Variants in PLPP7 observed in about 807,000 individuals in gnomAD.
PLPP7 encodes the protein inactive phospholipid phosphatase 7.
A neutral mutation model predicts 16.9 loss-of-function variants in PLPP7; 11 were observed. That is an observed-to-expected ratio of 0.65 (90% CI 0.41 to 1.08). The LOEUF (loss-of-function observed/expected upper bound fraction) is 1.08, where lower values mean the gene tolerates loss of function less well. Ranked by LOEUF, PLPP7 falls within the 50% of genes least tolerant of loss-of-function variation. The probability of loss-of-function intolerance (pLI) is 0.00; values close to 1 mark genes in which losing one functional copy is unlikely to be tolerated. For synonymous variants in PLPP7, 174 were observed against 175.1 expected (o/e 0.99, Z 0.05); for missense variants, 358 against 397.1 (o/e 0.90, Z 0.84).
intron 1 of PLPP7, among the ~76,000 whole-genome samples, chr9:131,296,231 T>C (rs12343881): frequency 6.6e-6 from 1 of 152,140 alleles, no homozygotes; most frequent in African/African-American, 2.4e-5. Context: ...GTTTTGGGTA[T>C]TTTTTGTTTG....
At chr9:131,292,053 C>G (rs1371337869) in intron 1 of PLPP7, among the ~76,000 whole-genome samples, 2 of 152,254 alleles carry the variant, frequency 1.3e-5, no homozygotes. Flanking sequence ...GAGATTTGCA[C>G]TGGCTCCAGC....
intron 1 of PLPP7, among the ~76,000 whole-genome samples, chr9:131,300,061 C>G (rs913237484): frequency 1.2e-4 from 19 of 152,240 alleles, no homozygotes; most frequent in African/African-American, 4.6e-4. Context: ...ATACCACACA[C>G]TGATTTATAA....
chr9:131,296,053 T>C (rs1835732033), intron 1 of PLPP7, among the ~76,000 whole-genome samples: 1 of 152,162 alleles, frequency 6.6e-6, no homozygotes, highest in Non-Finnish European at 1.5e-5. Flanking sequence ...GGTAATTTTG[T>C]GTTGACTTGT....
In PLPP7 at chr9:131,297,414, C is replaced by T. The variant is rs111900957; in HGVS notation, c.451+6966C>T. ...TTTTTTTTTTTTTTCTGAAGAGAGT[C>T]TTGCTCTGTCACCCAGGCTGGAGGG... On this transcript the variant is annotated intron_variant, in intron 1 of 1. Transcript: ENST00000372264. Among the ~76,000 whole-genome samples, 202 of 141,068 alleles carry T rather than the reference C, an allele frequency of 1.4e-3. 2 individuals carry two copies. The highest frequency in any genetic ancestry group is 5.1e-3 in the African/African-American group (194 of 38,250). The allele number at this position is 141,068 out of a possible 152,430, so 92.5% of individuals were successfully genotyped here. A position where few individuals can be genotyped will look rare whatever the true frequency, so the allele number is the denominator to read the frequency against.
intron 1 of PLPP7, among the ~76,000 whole-genome samples, chr9:131,304,511 T>A (rs764590914): frequency 3.3e-5 from 5 of 152,156 alleles, no homozygotes; most frequent in Non-Finnish European, 5.9e-5. Flanking sequence ...GTCAGGTACC[T>A]GTTGTCCTGG....
At chr9:131,307,796 G>C in intron 1 of PLPP7, 127 bp from the exon 2 acceptor site, 1 of 963,160 alleles carries the variant, frequency 1.0e-6, no homozygotes, top group Non-Finnish European at 1.5e-6. Context: ...CCCTGCCTGG[G>C]GGTCAGTGTG....
intron 1 of PLPP7, among the ~76,000 whole-genome samples, chr9:131,300,442 T>C (rs1380109307): frequency 1.3e-5 from 2 of 152,102 alleles, no homozygotes; most frequent in Non-Finnish European, 2.9e-5. Context: ...CTCAGCACTT[T>C]AGGAGGCTGA....
chr9:131,294,756 C>T (rs537156944), intron 1 of PLPP7, among the ~76,000 whole-genome samples: 176 of 151,750 alleles, frequency 1.2e-3, no homozygotes, highest in African/African-American at 3.9e-3. Flanking sequence ...CTGCAACCTC[C>T]GCCTCCCGGG....
At chr9:131,304,842 C>T (rs986911325) in intron 1 of PLPP7, among the ~76,000 whole-genome samples, 3 of 152,204 alleles carry the variant, frequency 2.0e-5, no homozygotes, top group Admixed American at 6.5e-5. Context: ...ACAGATGCCT[C>T]AGTGACTGCG....
chr9:131,295,299 G>T lies in PLPP7; in HGVS notation c.451+4851G>T, dbSNP rs931989295. ...CTCCCGAGTAGCTGGGATTACAGGT[G>T]CCCGCCACCACGACTGGCTAATTTT... On this transcript the variant is annotated intron_variant, in intron 1 of 1. Coordinates refer to ENST00000372264, the MANE Select transcript of PLPP7 (RefSeq NM_032728.4). This position sits in a 1 kb window ranked among gnomAD's most constrained non-coding sequence, Gnocchi z 4.0. Among the ~76,000 whole-genome samples the T allele has an allele frequency of 6.6e-6, 1 of 151,712 alleles. No homozygotes were observed. The highest frequency in any genetic ancestry group is 2.4e-5 in the African/African-American group (1 of 41,294).
In PLPP7 at chr9:131,308,719, G is replaced by A; in HGVS notation, c.*432G>A. On this transcript the variant is annotated 3_prime_UTR_variant, in exon 2 of 2. Transcript: ENST00000372264. The stretch of plus-strand genomic sequence containing the variant: ...CCCCAACCTACTGCCTGATGCAGGT[G>A]CCATTGCCATTAGCGGTCATCGACA... The A allele has an allele frequency of 5.4e-6, 1 of 183,522 alleles. No individual in the cohort carries two copies. The highest frequency in any genetic ancestry group is 1.1e-5 in the Non-Finnish European group (1 of 87,442). 11.4% of individuals were successfully genotyped at this position (183,522 alleles called of 1,614,324 possible). A position where few individuals can be genotyped will look rare whatever the true frequency, so the allele number is the denominator to read the frequency against.
chr9:131,303,488 C>CTTT (rs5900928), intron 1 of PLPP7, among the ~76,000 whole-genome samples: 12 of 143,948 alleles, frequency 8.3e-5, no homozygotes, highest in Non-Finnish European at 9.1e-5. Flanking sequence ...TCTTCTGTGT[C>CTTT]TTTTTTTTTT....
chr9:131,295,602 C>G lies in PLPP7; in HGVS notation c.451+5154C>G, dbSNP rs1835726970. ...ATCACCACCATCCATCTCCAGAACT[C>G]TTTTCATCTTTCATCTTAAAACACA... On this transcript the variant is annotated intron_variant, in intron 1 of 1. Coordinates refer to ENST00000372264, the MANE Select transcript of PLPP7 (RefSeq NM_032728.4). This position sits in a 1 kb window ranked among gnomAD's most constrained non-coding sequence, Gnocchi z 4.0. Among the ~76,000 whole-genome samples the G allele has an allele frequency of 6.6e-6, 1 of 152,156 alleles. No homozygotes were observed. The highest frequency in any genetic ancestry group is 1.5e-5 in the Non-Finnish European group (1 of 68,030).
At chr9:131,301,201 T>C (rs560738219) in intron 1 of PLPP7, among the ~76,000 whole-genome samples, 4 of 152,242 alleles carry the variant, frequency 2.6e-5, no homozygotes, top group African/African-American at 9.6e-5. Context: ...ACTCCTGACC[T>C]CAGGTGATCC....
intron 1 of PLPP7, among the ~76,000 whole-genome samples, chr9:131,304,746 G>GA (rs1415694408): frequency 1.2e-4 from 18 of 152,306 alleles, no homozygotes; most frequent in Non-Finnish European, 2.2e-4. Context: ...TAGCCACGGG[G>GA]AAAAAAACCT....
intron 1 of PLPP7, chr9:131,291,303 C>T: frequency 8.2e-7 from 1 of 1,226,152 alleles, no homozygotes; most frequent in Non-Finnish European, 1.0e-6. Context: ...GTGTGGCCAT[C>T]ATTTGAGGGA....
At chr9:131,302,957 C>T (rs569539837) in intron 1 of PLPP7, among the ~76,000 whole-genome samples, 103 of 152,266 alleles carry the variant, frequency 6.8e-4, no homozygotes, top group Non-Finnish European at 1.2e-3. Flanking sequence ...GCAAGGGGAT[C>T]GGGGGTATGT....
At chr9:131,306,798 G>C (rs1377966706) in intron 1 of PLPP7, among the ~76,000 whole-genome samples, 1 of 152,188 alleles carries the variant, frequency 6.6e-6, no homozygotes. Flanking sequence ...TGGCTGCTTC[G>C]TGGGTATGGG....
intron 1 of PLPP7, among the ~76,000 whole-genome samples, chr9:131,291,608 A>ATTAC (rs1293978749): frequency 6.7e-6 from 1 of 148,944 alleles, no homozygotes; most frequent in Non-Finnish European, 1.5e-5. Flanking sequence ...CCAGGCTGTA[A>ATTAC]GACTGAAGTG....
Sources: gnomAD v4.1 joint callset for allele counts (sites outside exome capture counted in the v4.1 genomes callset) on GRCh38, gnomAD v4.1.1 for gene constraint, Gnocchi (gnomAD v3.1) non-coding constraint, MANE v1.5 for transcripts, NCBI Gene and HGNC (gene_info 2026-07-23, HGNC 2026-07-21) for gene names.